SYNE2: variants seen among roughly 807,000 people sequenced by gnomAD.
The protein encoded by SYNE2 is spectrin repeat containing nuclear envelope protein 2, also known as nesprin-2.
SYNE2 carries 431 observed loss-of-function variants against 856.3 expected under a neutral mutation model. That is an observed-to-expected ratio of 0.50 (90% CI 0.47 to 0.55). The LOEUF (loss-of-function observed/expected upper bound fraction) is 0.55. SYNE2 is among the 20% of genes least tolerant of loss of function. The pLI, the probability that SYNE2 is intolerant of heterozygous loss-of-function variation, is 0.00. For missense variants in SYNE2, 8,129 were observed against 8,023.2 expected (o/e 1.01, Z -0.50); for synonymous variants, 2,923 against 2,872.3 (o/e 1.02, Z -0.56).
intron 84 of SYNE2, among the ~76,000 whole-genome samples, 180 bp from the exon 85 acceptor site, chr14:64,152,384 G>C (rs1054923020): frequency 1.3e-5 from 2 of 152,202 alleles, no homozygotes; most frequent in Non-Finnish European, 2.9e-5. Flanking sequence ...CTAAAATACA[G>C]AGTTGTGTCA....
intron 49 of SYNE2, among the ~76,000 whole-genome samples, chr14:64,058,596 C>T (rs563929998): frequency 1.3e-5 from 2 of 152,288 alleles, no homozygotes; most frequent in South Asian, 4.1e-4. Context: ...TCTCTTGCCT[C>T]AGCCTCCCAG....
chr14:63,894,362 A>G (rs1341266963), intron 1 of SYNE2, among the ~76,000 whole-genome samples: 1 of 151,944 alleles, frequency 6.6e-6, no homozygotes, highest in Admixed American at 6.6e-5. Flanking sequence ...GACTATAGGC[A>G]TGCTCCACCA....
At chr14:64,023,142 A>AACCC in intron 38 of SYNE2, 1 of 386,222 alleles carries the variant, frequency 2.6e-6, no homozygotes, top group Non-Finnish European at 4.8e-6. Flanking sequence ...CTGTAGTCCC[A>AACCC]GGTGAGAGGA....
chr14:64,124,258 C>T (rs2097919974), intron 70 of SYNE2, among the ~76,000 whole-genome samples: 1 of 151,938 alleles, frequency 6.6e-6, no homozygotes, highest in African/African-American at 2.4e-5. Context: ...AGTGGCATGA[C>T]CAAAACTCAT....
chr14:64,144,080 T>C, intron 83 of SYNE2, 132 bp downstream of exon 83: 1 of 1,071,044 alleles, frequency 9.3e-7, no homozygotes, highest in East Asian at 2.4e-5. Context: ...AGCCCTTTTA[T>C]AAATCCTATG....
rs72720380 is a variant in SYNE2, at chr14:64,213,995, A to G, written c.19057-199A>G. On this transcript the variant is annotated intron_variant, in intron 105 of 115. Coordinates refer to ENST00000555002, the MANE Select transcript of SYNE2 (RefSeq NM_182914.3). ...ATAGCTGGAGGTTTGGGAAAATAAC[A>G]GATTTTAGGCCCCACTCCAGATTGT... is the stretch of plus-strand genomic sequence containing the variant. 0.066 allele frequency: 47,622 copies of G among 721,888 alleles called. 2,031 individuals carry two copies. Among genetic ancestry groups the G allele is most frequent in the Non-Finnish European group, 0.08 (36,501 of 457,654 alleles). 44.7% of individuals were successfully genotyped at this position (721,888 alleles called of 1,614,324 possible). A position where few individuals can be genotyped will look rare whatever the true frequency, so the allele number is the denominator to read the frequency against.
chr14:64,207,143 CCTG>C (rs2098609172), intron 100 of SYNE2, among the ~76,000 whole-genome samples: 1 of 152,164 alleles, frequency 6.6e-6, no homozygotes. Context: ...CTGAATATAA[CCTG>C]GTGGTGTTCA....
chr14:63,978,071 A>G (rs1351726650), intron 13 of SYNE2, 54 bp downstream of exon 13: 10 of 1,134,584 alleles, frequency 8.8e-6, no homozygotes, highest in East Asian at 2.4e-5. Flanking sequence ...TTGAGTAACA[A>G]CTGATACTAC....
chr14:63,830,120 A>G (rs1889613723), intron 1 of SYNE2, among the ~76,000 whole-genome samples: 1 of 152,214 alleles, frequency 6.6e-6, no homozygotes. Context: ...GAAGCCAGTC[A>G]CAAAGGACCA....
intron 68 of SYNE2, among the ~76,000 whole-genome samples, chr14:64,121,798 C>T (rs2097900901): frequency 6.6e-6 from 1 of 152,130 alleles, no homozygotes; most frequent in Non-Finnish European, 1.5e-5. Flanking sequence ...TGATGATTTT[C>T]CATGTATGCG....
In SYNE2 at chr14:64,007,131, C is replaced by T. The variant is rs376953644; in HGVS notation, c.4486C>T (p.His1496Tyr). Reference sequence around the variant, plus strand: ...ACAAGAAATGGCTAATTCTCTTCCACACTTCAAAGATGGCAGAGAAAAAAC... The same window carrying T: ...ACAAGAAATGGCTAATTCTCTTCCATACTTCAAAGATGGCAGAGAAAAAAC... ...HLQEMANSLP[H>Y]FKDGREKTVN... The change falls in exon 31 of 116, where the codon CAC (histidine) becomes TAC (tyrosine). Residue 1496 changes from histidine (H) to tyrosine (Y), a missense_variant. Around this residue, in one of 3 missense-constraint regions of SYNE2, gnomAD observed 2,422 missense variants for 2,357.4 expected, o/e 1.03. Coordinates refer to ENST00000555002, the MANE Select transcript of SYNE2 (RefSeq NM_182914.3). 3 of 1,613,388 alleles carry T rather than the reference C, an allele frequency of 1.9e-6. No individual in the cohort carries two copies. Among genetic ancestry groups the T allele is most frequent in the Non-Finnish European group, 2.5e-6 (3 of 1,179,352 alleles).
At chr14:64,094,244 G>C (rs1049261019) in intron 61 of SYNE2, among the ~76,000 whole-genome samples, 7 of 152,060 alleles carry the variant, frequency 4.6e-5, no homozygotes, top group African/African-American at 1.7e-4. Context: ...TGAGGCAGGA[G>C]AATGGAGTGA....
chr14:64,082,453 G>A (rs1442975329), intron 57 of SYNE2, among the ~76,000 whole-genome samples: 1 of 152,162 alleles, frequency 6.6e-6, no homozygotes, highest in Non-Finnish European at 1.5e-5. Flanking sequence ...TCAGCCTGCA[G>A]CAGAGTGCAG....
At chr14:64,058,445 C>T (rs927960369) in intron 49 of SYNE2, among the ~76,000 whole-genome samples, 3 of 152,116 alleles carry the variant, frequency 2.0e-5, no homozygotes, top group East Asian at 3.9e-4. Context: ...AGTAAACTTT[C>T]GACCCATTAT....
chr14:64,080,520 A>T lies in SYNE2; in HGVS notation c.11228A>T (p.Asp3743Val). The change falls in exon 56 of 116, where the codon GAC becomes GTC. Residue 3743 changes from aspartate (D) to valine (V), a missense_variant. By Grantham distance (152) the Asp-to-Val change is radical. Coordinates refer to ENST00000555002, the MANE Select transcript of SYNE2 (RefSeq NM_182914.3). Reference sequence around the variant, plus strand: ...AATGAGCTGGATTCTGAAGTTCAGGACATTGTTGAACAGGACCCAGGACAG... The same window carrying T: ...AATGAGCTGGATTCTGAAGTTCAGGTCATTGTTGAACAGGACCCAGGACAG... Reference protein sequence around the residue: ...KLNELDSEVQDIVEQDPGQAQ... With the variant: ...KLNELDSEVQVIVEQDPGQAQ... 6.2e-7 allele frequency: 1 copy of T among 1,614,198 alleles called. No homozygotes were observed. The highest frequency in any genetic ancestry group is 2.2e-5 in the East Asian group (1 of 44,876).
In SYNE2 at chr14:64,215,995, C is replaced by G. The variant is rs553902838; in HGVS notation, c.19403-253C>G. The G allele has an allele frequency of 1.1e-5, 16 of 1,421,902 alleles. 2 individuals are homozygous for G. In the South Asian group the frequency reaches 2.0e-4, roughly 17 times the overall value. The allele number at this position is 1,421,902 out of a possible 1,614,324, so 88.1% of individuals were successfully genotyped here. ...GTGTCCCTACCACTCGAGACCCTGGCTCCAAAACGCCACTCATCCCACAGC... is the reference window on the plus strand; with the variant it reads ...GTGTCCCTACCACTCGAGACCCTGGGTCCAAAACGCCACTCATCCCACAGC... On this transcript the variant is annotated intron_variant, in intron 107 of 115. Transcript: ENST00000555002.
At chr14:64,134,223 A>G (rs371950815) in intron 78 of SYNE2, 23 bp downstream of exon 78, 1 of 1,613,258 alleles carries the variant, frequency 6.2e-7, no homozygotes, top group African/African-American at 1.3e-5. Context: ...CATTTAAGTT[A>G]TCAAAGGCGT....
chr14:64,190,985 C>T (rs919347903), intron 99 of SYNE2: 8 of 702,284 alleles, frequency 1.1e-5, no homozygotes, highest in Non-Finnish European at 1.3e-5. Flanking sequence ...GCCTTGGGAC[C>T]ACTTGTGCAG....
intron 1 of SYNE2, among the ~76,000 whole-genome samples, chr14:63,779,347 A>AATAC (rs1450717757): frequency 1.3e-5 from 2 of 150,714 alleles, no homozygotes; most frequent in Non-Finnish European, 3.0e-5. Context: ...TAAATAAATA[A>AATAC]ATAAATAAAT....
Sources: allele counts gnomAD v4.1 joint callset (sites outside exome capture counted in the v4.1 genomes callset), GRCh38; gene constraint gnomAD v4.1.1; regional missense constraint gnomAD v4.1.1; transcripts MANE v1.5; gene names NCBI Gene and HGNC (gene_info 2026-07-23, HGNC 2026-07-21).